The following KIR2DL3 variants were observed in gnomAD, a reference collection of about 807,000 sequenced individuals.
KIR2DL3 encodes the protein killer cell immunoglobulin-like receptor 2DL3.
A neutral mutation model predicts 33.8 loss-of-function variants in KIR2DL3; 39 were observed. That is an observed-to-expected ratio of 1.15 (90% CI 0.89 to 1.51). KIR2DL3 has a LOEUF of 1.51. Among genes scored for constraint, KIR2DL3 ranks in the 40% most tolerant of loss-of-function variants. KIR2DL3 has a pLI of 0.00. For missense variants in KIR2DL3, 462 were observed against 426.2 expected (o/e 1.08, Z -0.74); for synonymous variants, 174 against 160.2 (o/e 1.09, Z -0.65).
At chr19:54,739,379 G>A in intron 1 of KIR2DL3, 128 bp from the exon 2 acceptor site, 4 of 1,503,298 alleles carry the variant, frequency 2.7e-6, no homozygotes, top group Non-Finnish European at 3.7e-6. Flanking sequence ...GGTGCAGGTA[G>A]GCACTGAGGG....
At chr19:54,747,680 G>T (rs1353445103) in intron 5 of KIR2DL3, among the ~76,000 whole-genome samples, 1 of 152,186 alleles carries the variant, frequency 6.6e-6, no homozygotes, top group South Asian at 2.1e-4. Flanking sequence ...TTCCTAACTG[G>T]AGGATAAATT....
At chr19:54,747,977 T>A (rs2072823437) in intron 5 of KIR2DL3, among the ~76,000 whole-genome samples, 5 of 152,260 alleles carry the variant, frequency 3.3e-5, no homozygotes, top group Middle Eastern at 6.8e-3. Flanking sequence ...CAAAACGGTT[T>A]TTTAATTATC....
chr19:54,739,366 T>C, intron 1 of KIR2DL3, 141 bp from the exon 2 acceptor site: 1 of 1,423,900 alleles, frequency 7.0e-7, no homozygotes, highest in Non-Finnish European at 9.9e-7. Context: ...AGCCCTGTTC[T>C]TGGGTGCAGG....
chr19:54,740,412 CA>C lies in KIR2DL3; in HGVS notation c.70+872del, dbSNP rs2070809540. Among the ~76,000 whole-genome samples the C allele has an allele frequency of 2.0e-5, 3 of 151,572 alleles. No individual in the cohort carries two copies. In the South Asian group the frequency reaches 6.3e-4, roughly 32 times the overall value. ...GTGGGGTGCCTGTCCCTGAGCTCTA[CA>C]ACAGAATATTCTGGAACAGCCTTTT... On this transcript the variant is annotated intron_variant, in intron 2 of 7. Transcript: ENST00000342376.
At chr19:54,738,801 CATGGGCCTGGAGATGGAGAT>C (rs1283607681) in intron 1 of KIR2DL3, among the ~76,000 whole-genome samples, 3 of 110,256 alleles carry the variant, frequency 2.7e-5, no homozygotes, top group Non-Finnish European at 5.4e-5. Context: ...GTAGTGGAGA[CATGGGCCTGGAGATGGAGAT>C]ATGGGCCTGG....
At chr19:54,752,059 G>T (rs2073530997) in intron 6 of KIR2DL3, among the ~76,000 whole-genome samples, 157 bp from the exon 7 acceptor site, 1 of 135,672 alleles carries the variant, frequency 7.4e-6, no homozygotes, top group Non-Finnish European at 1.6e-5. Flanking sequence ...TCATGGGATG[G>T]GTCCTTGAGC....
intron 2 of KIR2DL3, 86 bp from the exon 3 acceptor site, chr19:54,741,894 A>T (rs2071194292): frequency 7.5e-7 from 1 of 1,337,546 alleles, no homozygotes; most frequent in Non-Finnish European, 1.0e-6. Context: ...GACAGACACC[A>T]GCAAGGGGAA....
rs1164344661 is a variant in KIR2DL3 at position 54,739,967 on chromosome 19, A to AT, written c.70+426dup. ...TATTTTCGTTCAGGCATCCGCTGAT[A>AT]TCCATTCACAAAGGACATGCCCTCC... On this transcript the variant is annotated intron_variant, in intron 2 of 7. Transcript: ENST00000342376. Among the ~76,000 whole-genome samples the AT allele has an allele frequency of 3.6e-3, 538 of 148,994 alleles. 6 individuals carry two copies. Among genetic ancestry groups the AT allele is most frequent in the African/African-American group, 0.013 (514 of 40,662 alleles).
chr19:54,741,612 G>C lies in KIR2DL3; in HGVS notation c.71-368G>C, dbSNP rs1460249689. Reference sequence around the variant, plus strand: ...CAGTTCATACCTTCTGCCAAGGATTGCAATTCATCCAAAAGAGATTGAACC... The same window carrying C: ...CAGTTCATACCTTCTGCCAAGGATTCCAATTCATCCAAAAGAGATTGAACC... On this transcript the variant is annotated intron_variant, in intron 2 of 7. Coordinates refer to ENST00000342376, the MANE Select transcript of KIR2DL3 (RefSeq NM_015868.3). Among the ~76,000 whole-genome samples, 94 of 151,798 alleles carry C rather than the reference G, an allele frequency of 6.2e-4. 1 individual carries two copies. The highest frequency in any genetic ancestry group is 1.7e-3 in the African/African-American group (70 of 41,350).
chr19:54,740,410 T>C (rs1987855), intron 2 of KIR2DL3, among the ~76,000 whole-genome samples: 1,729 of 151,630 alleles, frequency 0.011, 11 homozygotes, highest in Non-Finnish European at 0.019. Flanking sequence ...CCCTGAGCTC[T>C]ACAACAGAAT....
At chr19:54,750,262 G>A (rs1160151968) in intron 5 of KIR2DL3, among the ~76,000 whole-genome samples, 1 of 135,422 alleles carries the variant, frequency 7.4e-6, no homozygotes, top group Non-Finnish European at 1.6e-5. Context: ...CTTGGAGTGA[G>A]TCCAGATCTT....
At chr19:54,744,945 TATATATATA>T (rs1456416005) in intron 4 of KIR2DL3, among the ~76,000 whole-genome samples, 4 of 27,678 alleles carry the variant, frequency 1.4e-4, no homozygotes, top group Non-Finnish European at 1.5e-4. Flanking sequence ...TATATATATA[TATATATATA>T]TTTTTTTTTT....
rs574405824 is a variant in KIR2DL3 at position 54,746,768 on chromosome 19, A to G, written c.665-567A>G. Among the ~76,000 whole-genome samples, 205 of 150,248 alleles carry G rather than the reference A, an allele frequency of 1.4e-3. 1 individual carries two copies. The highest frequency in any genetic ancestry group is 4.4e-3 in the African/African-American group (180 of 40,916). ...GAGCCCAAGGCGGGTGGATCACCTG[A>G]GGCCAGGAGTTCAAGATTAGTCTGG... On this transcript the variant is annotated intron_variant, in intron 4 of 7. Transcript: ENST00000342376.
intron 3 of KIR2DL3, among the ~76,000 whole-genome samples, chr19:54,742,541 C>G (rs1174765843): frequency 1.8e-4 from 28 of 151,882 alleles, no homozygotes; most frequent in African/African-American, 6.8e-4. Flanking sequence ...CAGACATGTC[C>G]CAGAGAGAGG....
rs1955117949 is a variant in KIR2DL3, at chr19:54,752,946, C to G, written c.*427C>G. The G allele has an allele frequency of 4.0e-6, 1 of 250,272 alleles. No homozygotes were observed. Among genetic ancestry groups the G allele is most frequent in the South Asian group, 6.6e-5 (1 of 15,166 alleles). 15.5% of individuals were successfully genotyped at this position (250,272 alleles called of 1,614,324 possible). ...TCCACCTTCCCTCATGCTGTTCCAC[C>G]TCCCCTCAGACTAGCTTTCAGCCTT... On this transcript the variant is annotated 3_prime_UTR_variant, in exon 8 of 8. Transcript: ENST00000342376.
At position 54,750,384 on chromosome 19, in the gene KIR2DL3, C is replaced by A. The variant is rs184551395; in HGVS notation, c.716-1265C>A. ...GCCGAGGGGGTGGTCCTTCCCCCAGCCTCTCGGGTAGAACAGCAGCCTAAC... is the reference window on the plus strand; with the variant it reads ...GCCGAGGGGGTGGTCCTTCCCCCAGACTCTCGGGTAGAACAGCAGCCTAAC... On this transcript the variant is annotated intron_variant, in intron 5 of 7. Coordinates refer to ENST00000342376, the MANE Select transcript of KIR2DL3 (RefSeq NM_015868.3). 4.2e-5 allele frequency among the ~76,000 whole-genome samples: 6 copies of A among 142,134 alleles called. 1 individual carries two copies. Among genetic ancestry groups the A allele is most frequent in the African/African-American group, 1.6e-4 (6 of 37,872 alleles). The allele number at this position is 142,134 out of a possible 152,430, so 93.2% of individuals were successfully genotyped here.
chr19:54,750,367 G>T (rs79873867), intron 5 of KIR2DL3, among the ~76,000 whole-genome samples: 1,677 of 126,930 alleles, frequency 0.013, 6 homozygotes, highest in South Asian at 0.024. Flanking sequence ...TGGCCGAGGG[G>T]GTGGTCCTTC....
intron 4 of KIR2DL3, among the ~76,000 whole-genome samples, chr19:54,746,753 C>G (rs1391436333): frequency 6.8e-6 from 1 of 148,026 alleles, no homozygotes; most frequent in Non-Finnish European, 1.5e-5. Flanking sequence ...GAGCCCAAGG[C>G]GGGTGGATCA....
At chr19:54,741,599 T>G (rs1281436839) in intron 2 of KIR2DL3, among the ~76,000 whole-genome samples, 1 of 151,596 alleles carries the variant, frequency 6.6e-6, no homozygotes, top group African/African-American at 2.4e-5. Flanking sequence ...GTTCATACCT[T>G]CTGCCAAGGA....
Sources: gnomAD v4.1 joint callset for allele counts (sites outside exome capture counted in the v4.1 genomes callset) on GRCh38, gnomAD v4.1.1 for gene constraint, MANE v1.5 for transcripts, NCBI Gene and HGNC (gene_info 2026-07-23, HGNC 2026-07-21) for gene names.